Variants in PCDHGC4 observed in about 807,000 individuals in gnomAD.
The protein encoded by PCDHGC4 is protocadherin gamma subfamily C, 4, also known as protocadherin gamma-C4.
A neutral mutation model predicts 59.7 loss-of-function variants in PCDHGC4; 15 were observed. The ratio of observed to expected loss-of-function variants is 0.25; its 90% CI spans 0.17 to 0.39. The LOEUF is 0.39. Ranked by LOEUF, PCDHGC4 falls within the 10% of genes least tolerant of loss-of-function variation. The pLI is 1.00. For missense variants in PCDHGC4, 1,016 were observed against 1,189.5 expected, an observed-to-expected ratio of 0.85 and a Z score of 2.15; for synonymous variants, 434 against 481.4, an observed-to-expected ratio of 0.90 and a Z score of 1.29.
chr5:141,502,039 G>T (rs2099812498), intron 2 of PCDHGC4, among the ~76,000 whole-genome samples: 1 of 152,126 alleles, frequency 6.6e-6, no homozygotes, highest in South Asian at 2.1e-4. Context: ...CCGCTTGCCT[G>T]CTCTCCCTAC....
rs748660721 is a variant in PCDHGC4 at position 141,485,346 on chromosome 5, G to A, written c.173G>A (p.Ser58Asn). The A allele has an allele frequency of 1.2e-6, 2 of 1,614,178 alleles. No individual in the cohort carries two copies. Among genetic ancestry groups the A allele is most frequent in the South Asian group, 2.2e-5 (2 of 91,088 alleles). The part of the protein sequence containing the change: ...VAQDFLLDTD[S>N]LSARRLQVAG... ...CAAGATTTCCTGCTGGATACGGACA[G>A]TCTGTCAGCTCGCAGGCTGCAGGTC... Residue 58 changes from serine to asparagine, a missense_variant, in exon 1 of 4, where the codon AGT becomes AAT. Ser to Asn is a conservative substitution (Grantham distance 46, BLOSUM62 1). Transcript: ENST00000306593. This position sits in a 1 kb window ranked among gnomAD's most constrained non-coding sequence, Gnocchi z 5.7.
rs1251686604 is a variant in PCDHGC4 at position 141,485,257 on chromosome 5, T to C, written c.84T>C (p.Cys28=). ...TCTTTTACCACCTGGGTTACGTTTG[T>C]GGGCAGATCCGCTACCCGGTCCCAG... is the stretch of plus-strand genomic sequence containing the variant. ...LFLFYHLGYV[C]GQIRYPVPEE... is the part of the protein sequence containing the mutation. Residue 28 remains cysteine (C), a synonymous_variant, in exon 1 of 4, where the codon TGT becomes TGC. Coordinates refer to ENST00000306593, the MANE Select transcript of PCDHGC4 (RefSeq NM_018928.3). This position sits in a 1 kb window ranked among gnomAD's most constrained non-coding sequence, Gnocchi z 5.7. The C allele has an allele frequency of 6.2e-7, 1 of 1,614,154 alleles. No homozygotes were observed.
chr5:141,511,041 C>T lies in PCDHGC4; in HGVS notation c.2685C>T (p.Pro895=), dbSNP rs1421629777. 1.5e-5 allele frequency: 24 copies of T among 1,614,076 alleles called. No individual in the cohort carries two copies. The highest frequency in any genetic ancestry group is 5.5e-5 in the South Asian group (5 of 91,092). Residue 895 remains proline, a synonymous_variant, in exon 4 of 4, where the codon CCC becomes CCT. Transcript: ENST00000306593. The part of the protein sequence containing the change: ...YGPQFTLQHV[P]DYRQNVYIPG... ...CCCAGTTCACCCTGCAGCACGTGCCCGACTACCGCCAGAATGTCTACATCC... is the reference window on the plus strand; with the variant it reads ...CCCAGTTCACCCTGCAGCACGTGCCTGACTACCGCCAGAATGTCTACATCC...
intron 2 of PCDHGC4, among the ~76,000 whole-genome samples, chr5:141,504,968 C>A (rs1377016827): frequency 1.3e-5 from 2 of 152,206 alleles, no homozygotes; most frequent in East Asian, 3.9e-4. Context: ...ATTGGACCAG[C>A]CTGGCCAACA....
chr5:141,506,061 G>A (rs1260513343), intron 3 of PCDHGC4, among the ~76,000 whole-genome samples: 2 of 152,144 alleles, frequency 1.3e-5, no homozygotes, highest in Non-Finnish European at 2.9e-5. Flanking sequence ...GGTTGACTAA[G>A]GGCTTCCTTT....
In PCDHGC4 at chr5:141,487,608, G is replaced by T; in HGVS notation, c.2435G>T (p.Gly812Val). 1 of 1,614,182 alleles carries T rather than the reference G, an allele frequency of 6.2e-7. No individual in the cohort carries two copies. The highest frequency in any genetic ancestry group is 8.5e-7 in the Non-Finnish European group (1 of 1,180,042). The change falls in exon 1 of 4, where the codon GGG becomes GTG. Residue 812 changes from glycine (G) to valine (V), a missense_variant. Coordinates refer to ENST00000306593, the MANE Select transcript of PCDHGC4 (RefSeq NM_018928.3). The surrounding 1 kb of genome is among the most constrained non-coding windows in gnomAD (Gnocchi z 5.0). ...TGCCCACCCTCTGATCTTCTCTATG[G>T]GCTAGAGGTGAGACCTTTGCAGGCT... ...PSCPPSDLLY[G>V]LEQAPPNTDW... is the part of the protein sequence containing the mutation.
At chr5:141,502,862 C>CTTTT (rs2154593209) in intron 2 of PCDHGC4, among the ~76,000 whole-genome samples, 1 of 68,550 alleles carries the variant, frequency 1.5e-5, no homozygotes, top group African/African-American at 9.9e-5. Flanking sequence ...CCCTGACTCT[C>CTTTT]TGTCTTTTTT....
intron 3 of PCDHGC4, among the ~76,000 whole-genome samples, chr5:141,509,064 C>T (rs890846779): frequency 6.6e-6 from 1 of 152,184 alleles, no homozygotes; most frequent in African/African-American, 2.4e-5. Flanking sequence ...AAGCTCTCAG[C>T]TCCGGGGATT....
intron 2 of PCDHGC4, among the ~76,000 whole-genome samples, chr5:141,496,703 GT>G (rs1360916053): frequency 6.6e-6 from 1 of 152,132 alleles, no homozygotes; most frequent in East Asian, 1.9e-4. Context: ...CTTCTCATAA[GT>G]TATCCATTAA....
chr5:141,496,916 T>C (rs1252437822), intron 2 of PCDHGC4, among the ~76,000 whole-genome samples: 4 of 148,274 alleles, frequency 2.7e-5, no homozygotes, highest in African/African-American at 9.9e-5. Context: ...CTGGGCACTG[T>C]GGTTCACGCC....
At chr5:141,507,785 C>T (rs1203302886) in intron 3 of PCDHGC4, among the ~76,000 whole-genome samples, 1 of 152,222 alleles carries the variant, frequency 6.6e-6, no homozygotes, top group African/African-American at 2.4e-5. Context: ...GCCTGACCCT[C>T]GTCTAAGCCT....
Position 141,485,400 on chromosome 5 carries a change from G to A in PCDHGC4, c.227G>A (p.Arg76His). The change falls in exon 1 of 4, where the codon CGT becomes CAT. Residue 76 changes from arginine to histidine, a missense_variant. Transcript: ENST00000306593. The surrounding 1 kb of genome is among the most constrained non-coding windows in gnomAD (Gnocchi z 5.7). ...GGAGAGGTGAACCAAAGACACTTCC[G>A]TGTGGATTTGGACAGCGGAGCCCTG... is the stretch of plus-strand genomic sequence containing the variant. The part of the protein sequence containing the change: ...VAGEVNQRHF[R>H]VDLDSGALLI... The A allele has an allele frequency of 6.2e-7, 1 of 1,614,076 alleles. No homozygotes were observed. The highest frequency in any genetic ancestry group is 8.5e-7 in the Non-Finnish European group (1 of 1,179,948).
In PCDHGC4 at chr5:141,493,664, G is replaced by A. The variant is rs2099749444; in HGVS notation, c.2443-1143G>A. Reference sequence around the variant, plus strand: ...TGGCCATCCCTGTGCCCTTCTCCATGGCAGCCCCAGAATGGTGCTGGTGAC... The same window carrying A: ...TGGCCATCCCTGTGCCCTTCTCCATAGCAGCCCCAGAATGGTGCTGGTGAC... On this transcript the variant is annotated intron_variant, in intron 1 of 3. Coordinates refer to ENST00000306593, the MANE Select transcript of PCDHGC4 (RefSeq NM_018928.3). This position sits in a 1 kb window ranked among gnomAD's most constrained non-coding sequence, Gnocchi z 4.3. Among the ~76,000 whole-genome samples, 1 of 152,136 alleles carries A rather than the reference G, an allele frequency of 6.6e-6. No homozygotes were observed. Among genetic ancestry groups the A allele is most frequent in the Non-Finnish European group, 1.5e-5 (1 of 68,026 alleles).
At chr5:141,509,805 G>A (rs150684746) in intron 3 of PCDHGC4, among the ~76,000 whole-genome samples, 2 of 152,248 alleles carry the variant, frequency 1.3e-5, no homozygotes, top group Middle Eastern at 3.4e-3. Flanking sequence ...GCTTCATAGA[G>A]CCGAGCTCTT....
In PCDHGC4 at chr5:141,489,180, C is replaced by T. The variant is rs942218118; in HGVS notation, c.2442+1565C>T. 7.9e-7 allele frequency: 1 copy of T among 1,259,748 alleles called. No homozygotes were observed. The highest frequency in any genetic ancestry group is 2.0e-4 in the Middle Eastern group (1 of 5,096). The allele number at this position is 1,259,748 out of a possible 1,614,324, so 78.0% of individuals were successfully genotyped here. A position where few individuals can be genotyped will look rare whatever the true frequency, so the allele number is the denominator to read the frequency against. On this transcript the variant is annotated intron_variant, in intron 1 of 3. Coordinates refer to ENST00000306593, the MANE Select transcript of PCDHGC4 (RefSeq NM_018928.3). This position sits in a 1 kb window ranked among gnomAD's most constrained non-coding sequence, Gnocchi z 4.5. ...GACTTCAGCTGCTGCATTCCAAGCCCTGGGTCTACCTTGGAGACAGGACAG... is the reference window on the plus strand; with the variant it reads ...GACTTCAGCTGCTGCATTCCAAGCCTTGGGTCTACCTTGGAGACAGGACAG...
At chr5:141,508,244 C>A (rs1278674173) in intron 3 of PCDHGC4, 1 of 152,314 alleles carries the variant, frequency 6.6e-6, no homozygotes, top group Non-Finnish European at 1.5e-5. Context: ...CTAAGTCTGC[C>A]TCTCCTGGGA....
rs764742899 is a variant in PCDHGC4, at chr5:141,487,062, C to T, written c.1889C>T (p.Thr630Met). Residue 630 changes from threonine (T) to methionine (M), a missense_variant, in exon 1 of 4, where the codon ACG (threonine) becomes ATG (methionine). Transcript: ENST00000306593. This position sits in a 1 kb window ranked among gnomAD's most constrained non-coding sequence, Gnocchi z 5.0. Reference protein sequence around the residue: ...AVSRYAGEVRTAVPIPADLPP... With the variant: ...AVSRYAGEVRMAVPIPADLPP... Reference sequence around the variant, plus strand: ...TCTCGATATGCTGGGGAGGTGCGGACGGCTGTTCCTATCCCAGCTGACCTC... The same window carrying T: ...TCTCGATATGCTGGGGAGGTGCGGATGGCTGTTCCTATCCCAGCTGACCTC... 2.8e-5 allele frequency: 45 copies of T among 1,613,980 alleles called. No homozygotes were observed. Among genetic ancestry groups the T allele is most frequent in the East Asian group, 1.3e-4 (6 of 44,874 alleles).
In PCDHGC4 at chr5:141,491,225, T is replaced by G. The variant is rs764111440; in HGVS notation, c.2443-3582T>G. The stretch of plus-strand genomic sequence containing the variant: ...CCTTCACTCTCCTCCACAGCCACAG[T>G]GCTGCTGGTTCTGGAGGATGAGGAC... On this transcript the variant is annotated intron_variant, in intron 1 of 3. Transcript: ENST00000306593. This position sits in a 1 kb window ranked among gnomAD's most constrained non-coding sequence, Gnocchi z 6.9. 6.2e-7 allele frequency: 1 copy of G among 1,614,232 alleles called. No individual in the cohort carries two copies. Among genetic ancestry groups the G allele is most frequent in the Non-Finnish European group, 8.5e-7 (1 of 1,180,028 alleles).
intron 2 of PCDHGC4, among the ~76,000 whole-genome samples, chr5:141,505,117 G>A (rs575627148): frequency 1.8e-4 from 27 of 152,226 alleles, no homozygotes; most frequent in African/African-American, 3.6e-4. Context: ...AGCCAAGATC[G>A]CGCCACTGCA....
Sources: allele counts gnomAD v4.1 joint callset (sites outside exome capture counted in the v4.1 genomes callset), GRCh38; gene constraint gnomAD v4.1.1; non-coding constraint Gnocchi (gnomAD v3.1); transcripts MANE v1.5; gene names NCBI Gene and HGNC (gene_info 2026-07-23, HGNC 2026-07-21).